The following STXBP5L variants were observed in gnomAD, a reference collection of about 807,000 sequenced individuals.
STXBP5L encodes syntaxin binding protein 5L, also known as syntaxin-binding protein 5-like.
Under a neutral mutation model 144.5 loss-of-function variants are expected in STXBP5L, and 65 were observed. The observed-to-expected ratio is 0.45, with a 90% CI of 0.37 to 0.55. The LOEUF (loss-of-function observed/expected upper bound fraction) is 0.55, where lower values mean the gene tolerates loss of function less well. Ranked by LOEUF, STXBP5L falls within the 20% of genes least tolerant of loss-of-function variation. The probability of loss-of-function intolerance (pLI) is 0.00; values close to 1 mark genes in which losing one functional copy is unlikely to be tolerated. For missense variants in STXBP5L, 1,298 were observed against 1,405.5 expected (o/e 0.92, Z 1.22); for synonymous variants, 505 against 469.6 (o/e 1.08, Z -0.97).
chr3:121,082,504 G>A (rs1057429994), intron 5 of STXBP5L, among the ~76,000 whole-genome samples: 1 of 152,132 alleles, frequency 6.6e-6, no homozygotes, highest in African/African-American at 2.4e-5. Flanking sequence ...ATCTGCTTGG[G>A]ACCCATTCCA....
chr3:121,253,407 T>TC (rs1171157855), intron 15 of STXBP5L, among the ~76,000 whole-genome samples: 2 of 151,968 alleles, frequency 1.3e-5, no homozygotes, highest in Non-Finnish European at 2.9e-5. Flanking sequence ...TAGCTTTTTT[T>TC]CTTACGCATT....
chr3:121,084,294 C>A (rs1373637890), intron 5 of STXBP5L, among the ~76,000 whole-genome samples: 1 of 152,118 alleles, frequency 6.6e-6, no homozygotes, highest in Non-Finnish European at 1.5e-5. Flanking sequence ...CTTGCTGCAC[C>A]TATCAACCTA....
intron 9 of STXBP5L, among the ~76,000 whole-genome samples, chr3:121,180,701 C>A (rs1055706317): frequency 6.6e-6 from 1 of 152,078 alleles, no homozygotes; most frequent in African/African-American, 2.4e-5. Context: ...ATGGTGAAAC[C>A]CCGTCTCTAC....
intron 6 of STXBP5L, among the ~76,000 whole-genome samples, chr3:121,119,801 C>A (rs1161657976): frequency 6.6e-6 from 1 of 151,208 alleles, no homozygotes; most frequent in African/African-American, 2.4e-5. Flanking sequence ...TTTTCCTCTT[C>A]ACTTTTGATG....
At chr3:121,222,361 G>A (rs1028404716) in intron 10 of STXBP5L, among the ~76,000 whole-genome samples, 1 of 152,012 alleles carries the variant, frequency 6.6e-6, no homozygotes, top group Admixed American at 6.6e-5. Flanking sequence ...AAAGTTAGTT[G>A]AGCAAGATAT....
intron 3 of STXBP5L, among the ~76,000 whole-genome samples, chr3:121,025,650 G>A (rs1006779698): frequency 1.3e-4 from 19 of 151,486 alleles, no homozygotes; most frequent in African/African-American, 4.6e-4. Flanking sequence ...CCTGCTCTTG[G>A]CTCTCAAATT....
At chr3:121,227,630 T>C (rs1027797423) in intron 11 of STXBP5L, among the ~76,000 whole-genome samples, 7 of 152,096 alleles carry the variant, frequency 4.6e-5, no homozygotes, top group African/African-American at 1.7e-4. Flanking sequence ...CTATAGCCCA[T>C]TGCAAATACT....
rs548595900 is a variant in STXBP5L at position 120,949,955 on chromosome 3, T to A, written c.190-4985T>A. On this transcript the variant is annotated intron_variant, in intron 2 of 26. Coordinates refer to ENST00000471454, the MANE Select transcript of STXBP5L (RefSeq NM_001308330.2). The stretch of plus-strand genomic sequence containing the variant: ...TTCAATATGTCTGTTTTTTGTTTCA[T>A]TGCTTGTGTTTTTGGTGTTTTATTT... Among the ~76,000 whole-genome samples the A allele has an allele frequency of 8.5e-5, 13 of 152,142 alleles. No homozygotes were observed. The South Asian group carries it at 1.2e-3, about 15-fold the overall frequency.
chr3:121,223,160 A>C lies in STXBP5L; in HGVS notation c.1111+3A>C, dbSNP rs1458309678. ...ATGTGAAACGCCCTATCCAAATGGT[A>C]AGTAACTAAAATGAAACTATTAATG... On this transcript the variant is annotated splice_donor_region_variant and intron_variant, in intron 11 of 26. Coordinates refer to ENST00000471454, the MANE Select transcript of STXBP5L (RefSeq NM_001308330.2). 3.8e-6 allele frequency: 6 copies of C among 1,579,242 alleles called. No individual in the cohort carries two copies. Among genetic ancestry groups the C allele is most frequent in the Non-Finnish European group, 5.1e-6 (6 of 1,169,450 alleles).
intron 18 of STXBP5L, among the ~76,000 whole-genome samples, chr3:121,261,357 A>T (rs1559915441): frequency 6.6e-6 from 1 of 152,282 alleles, no homozygotes; most frequent in Non-Finnish European, 1.5e-5. Flanking sequence ...AAAGAAATAA[A>T]TTTTACAAGT....
chr3:121,384,899 T>C (rs1576330728), intron 22 of STXBP5L, among the ~76,000 whole-genome samples: 1 of 152,206 alleles, frequency 6.6e-6, no homozygotes, highest in East Asian at 1.9e-4. Context: ...GTGAGAAATT[T>C]GTTAAAACTC....
chr3:120,995,580 T>C (rs910012052), intron 3 of STXBP5L, among the ~76,000 whole-genome samples: 5 of 152,164 alleles, frequency 3.3e-5, no homozygotes, highest in Non-Finnish European at 5.9e-5. Flanking sequence ...TTCTTAATGA[T>C]TTCTCTCGGT....
chr3:121,142,707 T>G (rs1421068002), intron 7 of STXBP5L, among the ~76,000 whole-genome samples: 3 of 151,502 alleles, frequency 2.0e-5, no homozygotes, highest in African/African-American at 7.3e-5. Context: ...GAGACAAAAA[T>G]GAAAACACAC....
At position 121,139,943 on chromosome 3, in the gene STXBP5L, A is replaced by T. The variant is rs76765259; in HGVS notation, c.670-12534A>T. On this transcript the variant is annotated intron_variant, in intron 7 of 26. Coordinates refer to ENST00000471454, the MANE Select transcript of STXBP5L (RefSeq NM_001308330.2). ...ACATTCAAGAGTATAAGGGACTCAG[A>T]CAACTCACCATAAAAAACCAAACAA... 6.2e-3 allele frequency among the ~76,000 whole-genome samples: 946 copies of T among 152,226 alleles called. 3 individuals are homozygous for T. Among genetic ancestry groups the T allele is most frequent in the Middle Eastern group, 0.017 (5 of 294 alleles).
At chr3:121,397,272 C>T (rs1474956171) in intron 22 of STXBP5L, among the ~76,000 whole-genome samples, 1 of 152,176 alleles carries the variant, frequency 6.6e-6, no homozygotes, top group Non-Finnish European at 1.5e-5. Flanking sequence ...CAGGAGAAGG[C>T]AATCCTGGCT....
At chr3:120,952,382 G>A (rs1463300696) in intron 2 of STXBP5L, among the ~76,000 whole-genome samples, 1 of 151,894 alleles carries the variant, frequency 6.6e-6, no homozygotes, top group Admixed American at 6.6e-5. Flanking sequence ...TACAAATTTT[G>A]CACTTCTTTT....
chr3:121,412,727 C>CAAAAAAAAAAAAAAAAAAAAAAAAAAA (rs35247157), intron 23 of STXBP5L, among the ~76,000 whole-genome samples: 18 of 69,610 alleles, frequency 2.6e-4, no homozygotes, highest in Middle Eastern at 9.8e-3. Flanking sequence ...TTTCTCCCTC[C>CAAAAAAAAAAAAAAAAAAAAAAAAAAA]AAAAAAAAAA....
chr3:121,172,966 G>T lies in STXBP5L; in HGVS notation c.877+15339G>T, dbSNP rs564266703. ...CAGTGATAGACTGGATAAAGAAACT[G>T]TGGCACATACACACCATGGAATACT... is the stretch of plus-strand genomic sequence containing the variant. On this transcript the variant is annotated intron_variant, in intron 9 of 26. Coordinates refer to ENST00000471454, the MANE Select transcript of STXBP5L (RefSeq NM_001308330.2). Among the ~76,000 whole-genome samples, 14 of 152,246 alleles carry T rather than the reference G, an allele frequency of 9.2e-5. No individual in the cohort carries two copies. In the South Asian group the frequency reaches 2.9e-3, roughly 32 times the overall value.
At chr3:121,309,641 A>T (rs2043459046) in intron 19 of STXBP5L, among the ~76,000 whole-genome samples, 1 of 152,190 alleles carries the variant, frequency 6.6e-6, no homozygotes, top group South Asian at 2.1e-4. Flanking sequence ...GAAGACCTCG[A>T]TACCAAAATC....
Sources: gnomAD v4.1 joint callset for allele counts (sites outside exome capture counted in the v4.1 genomes callset) on GRCh38, gnomAD v4.1.1 for gene constraint, MANE v1.5 for transcripts, NCBI Gene and HGNC (gene_info 2026-07-23, HGNC 2026-07-21) for gene names.